The following MAST4 variants were observed in gnomAD, a reference collection of about 807,000 sequenced individuals.
MAST4 encodes the protein microtubule associated serine/threonine kinase family member 4, also known as microtubule-associated serine/threonine-protein kinase 4.
MAST4 carries 89 observed loss-of-function variants against 162.7 expected under a neutral mutation model. The ratio of observed to expected loss-of-function variants is 0.55; its 90% confidence interval spans 0.46 to 0.65. The LOEUF (loss-of-function observed/expected upper bound fraction) is 0.65, where lower values mean the gene tolerates loss of function less well. MAST4 is among the 30% of genes least tolerant of loss of function. The pLI is 0.00. For missense variants in MAST4, 3,153 were observed against 3,374.0 expected (o/e 0.93, Z 1.62); for synonymous variants, 1,479 against 1,361.1 (o/e 1.09, Z -1.91).
At chr5:66,876,657 A>G (rs886448725) in intron 3 of MAST4, among the ~76,000 whole-genome samples, 27 of 152,180 alleles carry the variant, frequency 1.8e-4, no homozygotes, top group Admixed American at 1.4e-3. Context: ...GTTTTGGTGT[A>G]AGTACAGCCA....
intron 3 of MAST4, among the ~76,000 whole-genome samples, chr5:66,791,046 G>A (rs1020545801): frequency 2.0e-5 from 3 of 151,924 alleles, no homozygotes; most frequent in Non-Finnish European, 4.4e-5. Flanking sequence ...TTTTTGAGAT[G>A]GAGTTTCGCT....
chr5:66,677,632 A>G (rs1026632860), intron 1 of MAST4, among the ~76,000 whole-genome samples: 3 of 152,218 alleles, frequency 2.0e-5, no homozygotes, highest in Non-Finnish European at 2.9e-5. Context: ...TGTCTCTGCT[A>G]TGCAAAGGGA....
intron 26 of MAST4, among the ~76,000 whole-genome samples, chr5:67,160,222 T>G (rs144144293): frequency 1.5e-3 from 226 of 152,302 alleles, no homozygotes; most frequent in Middle Eastern, 3.4e-3. Context: ...GTGCTTGGAT[T>G]TGAACTCAGA....
chr5:66,951,835 A>T (rs1744751284), intron 4 of MAST4, among the ~76,000 whole-genome samples: 1 of 152,150 alleles, frequency 6.6e-6, no homozygotes, highest in East Asian at 1.9e-4. Flanking sequence ...GTTATCAAAC[A>T]TATCAGATAA....
chr5:66,838,123 G>A (rs1758158041), intron 3 of MAST4, among the ~76,000 whole-genome samples: 1 of 151,660 alleles, frequency 6.6e-6, no homozygotes, highest in Non-Finnish European at 1.5e-5. Context: ...GCAGTTTTAT[G>A]TTTTTAAAAT....
chr5:66,682,969 G>T (rs1031380185), intron 1 of MAST4, among the ~76,000 whole-genome samples: 19 of 152,160 alleles, frequency 1.2e-4, no homozygotes, highest in African/African-American at 4.6e-4. Flanking sequence ...TGGTAATGAG[G>T]AACCCTGGAT....
chr5:67,007,292 T>C (rs573510256), intron 4 of MAST4, among the ~76,000 whole-genome samples: 1 of 152,332 alleles, frequency 6.6e-6, no homozygotes, highest in Non-Finnish European at 1.5e-5. Flanking sequence ...CTTACCGGGC[T>C]GAGTAGTTTT....
chr5:66,746,786 A>G (rs1165823099), intron 1 of MAST4, among the ~76,000 whole-genome samples: 1 of 152,214 alleles, frequency 6.6e-6, no homozygotes, highest in African/African-American at 2.4e-5. Context: ...AAACATCTAG[A>G]ATATTAAAGT....
chr5:66,712,716 T>C (rs1750572512), intron 1 of MAST4, among the ~76,000 whole-genome samples: 2 of 152,182 alleles, frequency 1.3e-5, no homozygotes. Context: ...CAGAATGTTC[T>C]TTGCCGAAAA....
At position 66,606,918 on chromosome 5, in the gene MAST4, T is replaced by A. The variant is rs182169084; in HGVS notation, c.363+9900T>A. 1.7e-4 allele frequency among the ~76,000 whole-genome samples: 25 copies of A among 148,902 alleles called. No homozygotes were observed. In the East Asian group the frequency reaches 4.1e-3, roughly 24 times the overall value. The stretch of plus-strand genomic sequence containing the variant: ...TTAAATATTAAATGAGTATATGAAT[T>A]TACTCATTTAAATATTAAATGAGTA... On this transcript the variant is annotated intron_variant, in intron 1 of 28. Coordinates refer to ENST00000403625, the MANE Select transcript of MAST4 (RefSeq NM_001164664.2).
At chr5:66,766,700 G>A (rs1401144949) in intron 2 of MAST4, among the ~76,000 whole-genome samples, 14 of 152,094 alleles carry the variant, frequency 9.2e-5, no homozygotes, top group African/African-American at 3.1e-4. Context: ...TTTATATAAA[G>A]TATGGCTGTT....
intron 19 of MAST4, among the ~76,000 whole-genome samples, chr5:67,137,113 A>C (rs1246085214): frequency 6.6e-6 from 1 of 152,186 alleles, no homozygotes; most frequent in African/African-American, 2.4e-5. Flanking sequence ...CAAGCTTTGA[A>C]ATGGGTTATC....
intron 10 of MAST4, among the ~76,000 whole-genome samples, chr5:67,106,613 C>T (rs543975073): frequency 3.0e-4 from 45 of 152,320 alleles, no homozygotes; most frequent in African/African-American, 1.1e-3. Flanking sequence ...TGCCTCCCTC[C>T]AGTCTTAACT....
At chr5:67,055,596 T>TA (rs1758700229) in intron 5 of MAST4, among the ~76,000 whole-genome samples, 1 of 152,148 alleles carries the variant, frequency 6.6e-6, no homozygotes, top group African/African-American at 2.4e-5. Context: ...TAGAAATAAT[T>TA]AAAGGAATTA....
chr5:66,926,629 T>C (rs1764921777), intron 4 of MAST4, among the ~76,000 whole-genome samples: 1 of 151,934 alleles, frequency 6.6e-6, no homozygotes, highest in Admixed American at 6.6e-5. Context: ...TATGTGTGTA[T>C]ATATGTATAT....
chr5:66,799,525 C>A (rs1316616618), intron 3 of MAST4, among the ~76,000 whole-genome samples: 1 of 152,120 alleles, frequency 6.6e-6, no homozygotes, highest in Admixed American at 6.5e-5. Flanking sequence ...TAAATGACAC[C>A]AGATGAAATA....
At chr5:66,801,354 G>T (rs979200566) in intron 3 of MAST4, among the ~76,000 whole-genome samples, 3 of 151,986 alleles carry the variant, frequency 2.0e-5, no homozygotes, top group African/African-American at 7.3e-5. Context: ...GAGTGTTTGC[G>T]GCTGTGACTA....
At chr5:66,854,479 G>A (rs1438133572) in intron 3 of MAST4, among the ~76,000 whole-genome samples, 1 of 152,088 alleles carries the variant, frequency 6.6e-6, no homozygotes, top group East Asian at 1.9e-4. Flanking sequence ...TATCGGCTGG[G>A]GCTGCAGCTA....
At chr5:67,025,216 A>G (rs1273517299) in intron 4 of MAST4, among the ~76,000 whole-genome samples, 1 of 152,196 alleles carries the variant, frequency 6.6e-6, no homozygotes, top group Non-Finnish European at 1.5e-5. Context: ...AGTCATGAAC[A>G]CATTAAAATA....
Sources: gnomAD v4.1 joint callset for allele counts (sites outside exome capture counted in the v4.1 genomes callset) on GRCh38, gnomAD v4.1.1 for gene constraint, MANE v1.5 for transcripts, NCBI Gene and HGNC (gene_info 2026-07-23, HGNC 2026-07-21) for gene names.